The following ANK1 variants were observed in gnomAD, a reference collection of about 807,000 sequenced individuals.
ANK1 encodes the protein ankyrin-1.
A neutral mutation model predicts 210.4 loss-of-function variants in ANK1; 51 were observed. The observed-to-expected ratio is 0.24, with a 90% CI of 0.19 to 0.31. ANK1 has a LOEUF of 0.31. Among genes scored for constraint, ANK1 ranks in the 10% least tolerant of loss-of-function variants. ANK1 has a pLI of 1.00. For missense variants in ANK1, 2,051 were observed against 2,504.4 expected, an observed-to-expected ratio of 0.82 and a Z score of 3.86; for synonymous variants, 967 against 1,025.9, an observed-to-expected ratio of 0.94 and a Z score of 1.10.
chr8:41,701,672 T>C (rs755567454), intron 21 of ANK1, 50 bp from the exon 22 acceptor site: 3 of 1,572,450 alleles, frequency 1.9e-6, no homozygotes, highest in Admixed American at 3.3e-5. Context: ...GCCGCACACA[T>C]TTTTTACCAG....
chr8:41,870,441 G>A (rs1398777013), intron 1 of ANK1, among the ~76,000 whole-genome samples: 1 of 152,162 alleles, frequency 6.6e-6, no homozygotes, highest in African/African-American at 2.4e-5. Context: ...CAAGGTTCCA[G>A]GGACATGAGC....
At chr8:41,805,472 C>T (rs1448359247) in intron 1 of ANK1, among the ~76,000 whole-genome samples, 1 of 152,036 alleles carries the variant, frequency 6.6e-6, no homozygotes, top group Non-Finnish European at 1.5e-5. Flanking sequence ...GTCTTGAACT[C>T]GTGGGCTCAA....
chr8:41,834,405 C>T (rs899387052), intron 1 of ANK1, among the ~76,000 whole-genome samples: 15 of 152,230 alleles, frequency 9.9e-5, no homozygotes, highest in Non-Finnish European at 5.9e-5. Flanking sequence ...AATGACGCGG[C>T]GCCCATGTCG....
chr8:41,842,046 G>A (rs889939288), intron 1 of ANK1, among the ~76,000 whole-genome samples: 9 of 152,314 alleles, frequency 5.9e-5, no homozygotes, highest in Admixed American at 1.3e-4. Flanking sequence ...TGGTAGGAGC[G>A]GCTGTAGAGA....
intron 3 of ANK1, among the ~76,000 whole-genome samples, chr8:41,731,201 T>G (rs184228481): frequency 1.3e-5 from 2 of 152,346 alleles, no homozygotes; most frequent in Admixed American, 1.3e-4. Flanking sequence ...TTTGTGAGCC[T>G]CTATTTTCTC....
chr8:41,714,959 G>T lies in ANK1; in HGVS notation c.1701+17C>A. 1 of 1,613,146 alleles carries T rather than the reference G, an allele frequency of 6.2e-7. No homozygotes were observed. The highest frequency in any genetic ancestry group is 8.5e-7 in the Non-Finnish European group (1 of 1,179,064). On this transcript the variant is annotated intron_variant, in intron 15 of 42. Coordinates refer to ENST00000289734, the MANE Select transcript of ANK1 (RefSeq NM_000037.4). ...TCTAACCTGAGAGCTGCAGGGGAGG[G>T]CAGGGTTCAAACTCACTTTTCCGGC... is the stretch of plus-strand genomic sequence containing the variant.
chr8:41,890,511 C>T (rs923563599), intron 1 of ANK1, among the ~76,000 whole-genome samples: 1 of 152,112 alleles, frequency 6.6e-6, no homozygotes, highest in Non-Finnish European at 1.5e-5. Flanking sequence ...GAGTTCGAGA[C>T]CAGCCTGGCC....
chr8:41,837,729 G>T (rs544286266), intron 1 of ANK1, among the ~76,000 whole-genome samples: 93 of 152,232 alleles, frequency 6.1e-4, no homozygotes, highest in African/African-American at 2.2e-3. Context: ...AAATCAGCAG[G>T]GTGTGGTGGC....
chr8:41,812,244 G>A (rs1587141256), intron 1 of ANK1, among the ~76,000 whole-genome samples: 1 of 152,134 alleles, frequency 6.6e-6, no homozygotes, highest in South Asian at 2.1e-4. Context: ...AAGTTCTTTG[G>A]CTGTGCTACA....
chr8:41,746,868 TA>T (rs35245035), intron 2 of ANK1, among the ~76,000 whole-genome samples: 7,223 of 138,578 alleles, frequency 0.052, 496 homozygotes, highest in African/African-American at 0.16. Context: ...TGGTATTCTT[TA>T]AAAAAAAAAA....
chr8:41,832,135 G>A (rs886277518), intron 1 of ANK1, among the ~76,000 whole-genome samples: 1 of 152,184 alleles, frequency 6.6e-6, no homozygotes, highest in Non-Finnish European at 1.5e-5. Flanking sequence ...TCACAGGACT[G>A]AATGAAAAGA....
chr8:41,888,805 C>T (rs1013051317), intron 1 of ANK1, among the ~76,000 whole-genome samples: 3 of 152,326 alleles, frequency 2.0e-5, no homozygotes, highest in Non-Finnish European at 4.4e-5. Flanking sequence ...CATTTGCACT[C>T]TGTGTTAACC....
At chr8:41,752,798 G>C (rs1043190002) in intron 2 of ANK1, among the ~76,000 whole-genome samples, 7 of 145,798 alleles carry the variant, frequency 4.8e-5, no homozygotes, top group South Asian at 2.3e-4. Context: ...GCACACACAG[G>C]CCCCCCCCCA....
rs763800044 is a variant in ANK1 at position 41,694,652 on chromosome 8, G to A, written c.3267C>T (p.Pro1089=). ...EGGSLKSKLV[P]LVQATFPENA... ...TCTCCGGGAACGTTGCCTGTACCAG[G>A]GGCACCAGCTTGCTCTTCAGGGAGC... is the stretch of plus-strand genomic sequence containing the variant. The change falls in exon 28 of 43, where the codon CCC becomes CCT. Residue 1089 remains proline, a synonymous_variant. Transcript: ENST00000289734. This position sits in a 1 kb window ranked among gnomAD's most constrained non-coding sequence, Gnocchi z 5.7. The A allele has an allele frequency of 9.3e-6, 15 of 1,614,114 alleles. No homozygotes were observed. Among genetic ancestry groups the A allele is most frequent in the African/African-American group, 1.3e-5 (1 of 75,048 alleles).
intron 1 of ANK1, among the ~76,000 whole-genome samples, chr8:41,777,990 C>A (rs927161534): frequency 6.6e-6 from 1 of 152,320 alleles, no homozygotes; most frequent in Admixed American, 6.5e-5. Context: ...AATATCCACA[C>A]CCGCCTCTAC....
chr8:41,739,930 A>G (rs886729777), intron 2 of ANK1, among the ~76,000 whole-genome samples: 33 of 151,862 alleles, frequency 2.2e-4, no homozygotes, highest in African/African-American at 7.0e-4. Context: ...TTATTACAAC[A>G]TGTTAGGCTG....
At chr8:41,728,932 A>G (rs1321177274) in intron 3 of ANK1, among the ~76,000 whole-genome samples, 1 of 152,214 alleles carries the variant, frequency 6.6e-6, no homozygotes, top group Non-Finnish European at 1.5e-5. Context: ...CTGCAAGGCA[A>G]CAAGCCCTCT....
intron 2 of ANK1, among the ~76,000 whole-genome samples, chr8:41,739,799 A>G (rs1834307115): frequency 6.6e-6 from 1 of 152,116 alleles, no homozygotes; most frequent in South Asian, 2.1e-4. Context: ...CTGGGGTGCC[A>G]GGGGCTTTTT....
chr8:41,687,346 C>A (rs574197137), intron 35 of ANK1, among the ~76,000 whole-genome samples: 1 of 152,222 alleles, frequency 6.6e-6, no homozygotes, highest in Non-Finnish European at 1.5e-5. Flanking sequence ...ACTCGCACCC[C>A]CATTGTTCCT....
Sources: gnomAD v4.1 joint callset for allele counts (sites outside exome capture counted in the v4.1 genomes callset) on GRCh38, gnomAD v4.1.1 for gene constraint, Gnocchi (gnomAD v3.1) non-coding constraint, MANE v1.5 for transcripts, NCBI Gene and HGNC (gene_info 2026-07-23, HGNC 2026-07-21) for gene names.